The following CSMD2 variants were observed in gnomAD, a reference collection of about 807,000 sequenced individuals.
CSMD2 encodes the protein CUB and sushi domain-containing protein 2.
A neutral mutation model predicts 398.5 loss-of-function variants in CSMD2; 130 were observed. The ratio of observed to expected loss-of-function variants is 0.33; its 90% CI spans 0.28 to 0.38. CSMD2 has a LOEUF of 0.38. Ranked by LOEUF, CSMD2 falls within the 10% of genes least tolerant of loss-of-function variation. CSMD2 has a pLI of 1.00. For synonymous variants in CSMD2, 1,828 were observed against 1,908.5 expected (o/e 0.96, Z 1.10); for missense variants, 3,829 against 4,764.9 (o/e 0.80, Z 5.78).
intron 44 of CSMD2, chr1:33,599,046 T>G (rs986004633): frequency 6.6e-6 from 1 of 152,242 alleles, no homozygotes; most frequent in African/African-American, 2.4e-5. Flanking sequence ...CTGACCTAAT[T>G]GCCTCCCAAG....
chr1:34,032,993 T>C (rs1394073658), intron 2 of CSMD2, among the ~76,000 whole-genome samples: 1 of 152,228 alleles, frequency 6.6e-6, no homozygotes, highest in Non-Finnish European at 1.5e-5. Context: ...TCCTGTCTCC[T>C]CTCTTTCTGG....
At chr1:33,959,950 C>A (rs984677481) in intron 3 of CSMD2, among the ~76,000 whole-genome samples, 1 of 152,162 alleles carries the variant, frequency 6.6e-6, no homozygotes, top group Admixed American at 6.5e-5. Flanking sequence ...ATCCTAGCAG[C>A]GTGGGCATAG....
Position 33,624,412 on chromosome 1 carries a change from C to G in CSMD2, c.5625+107G>C, listed in dbSNP as rs1641966170. The G allele has an allele frequency of 7.0e-7, 1 of 1,435,622 alleles. No homozygotes were observed. The highest frequency in any genetic ancestry group is 1.8e-5 in the Admixed American group (1 of 54,072). The allele number at this position is 1,435,622 out of a possible 1,614,324, so 88.9% of individuals were successfully genotyped here. On this transcript the variant is annotated intron_variant, in intron 35 of 70. Transcript: ENST00000373381. This position sits in a 1 kb window ranked among gnomAD's most constrained non-coding sequence, Gnocchi z 4.7. ...GGCTGATATGTCTCTTCCTGGCTCA[C>G]CCTGACTCAGGCCTTGGCACCAGCC...
intron 6 of CSMD2, among the ~76,000 whole-genome samples, chr1:33,826,735 C>T (rs186591836): frequency 1.2e-4 from 19 of 152,284 alleles, no homozygotes; most frequent in Middle Eastern, 3.4e-3. Flanking sequence ...ACCCATCAGC[C>T]GCCTTTGGTC....
At chr1:34,028,343 A>T (rs1472717897) in intron 3 of CSMD2, among the ~76,000 whole-genome samples, 1 of 152,160 alleles carries the variant, frequency 6.6e-6, no homozygotes, top group East Asian at 1.9e-4. Flanking sequence ...AAATAAAATA[A>T]GTATATTTGG....
chr1:34,031,513 C>G (rs1650414576), intron 3 of CSMD2, among the ~76,000 whole-genome samples: 1 of 152,062 alleles, frequency 6.6e-6, no homozygotes. Flanking sequence ...TTCTCAGGAG[C>G]CTTCTCAGCA....
Position 33,542,778 on chromosome 1 carries a change from C to T in CSMD2, c.9219G>A (p.Leu3073=). Residue 3073 remains leucine (L), a synonymous_variant, in exon 58 of 71, where the codon CTG becomes CTA. Transcript: ENST00000373381. ...CATTGACCGAGCAGTGACGGCTGAG[C>T]AGGCCTGTGGCGTAGTATCCTTCCC... ...ECREGYYATG[L]LSRHCSVNGT... 6.2e-7 allele frequency: 1 copy of T among 1,614,118 alleles called. No homozygotes were observed. The highest frequency in any genetic ancestry group is 8.5e-7 in the Non-Finnish European group (1 of 1,180,016).
chr1:34,147,026 G>A (rs1192135349), intron 1 of CSMD2, among the ~76,000 whole-genome samples: 2 of 152,176 alleles, frequency 1.3e-5, no homozygotes, highest in African/African-American at 4.8e-5. Flanking sequence ...GGGAGGCCGA[G>A]GCGGGCGGAT....
chr1:33,932,538 G>A (rs1000973341), intron 4 of CSMD2, among the ~76,000 whole-genome samples: 1 of 152,128 alleles, frequency 6.6e-6, no homozygotes, highest in Non-Finnish European at 1.5e-5. Flanking sequence ...TGGTGTGAAT[G>A]CCAGAAGAGT....
intron 22 of CSMD2, among the ~76,000 whole-genome samples, chr1:33,707,725 A>ACC (rs1645851236): frequency 6.8e-6 from 1 of 146,978 alleles, no homozygotes; most frequent in South Asian, 2.2e-4. Context: ...ACACACACAC[A>ACC]CACACACACA....
chr1:33,612,526 G>T (rs932464793), intron 40 of CSMD2, among the ~76,000 whole-genome samples: 1 of 152,086 alleles, frequency 6.6e-6, no homozygotes, highest in Admixed American at 6.5e-5. Context: ...ACATAATATT[G>T]TGTTTTTCAA....
chr1:33,905,269 A>G (rs6425859), intron 5 of CSMD2, among the ~76,000 whole-genome samples: 80,785 of 151,644 alleles, frequency 0.53, 21,764 homozygotes, highest in East Asian at 0.64. Context: ...GAGTCCCAGG[A>G]CCCTCTGGGT....
At chr1:33,687,380 T>C (rs1179411882) in intron 25 of CSMD2, among the ~76,000 whole-genome samples, 3 of 151,878 alleles carry the variant, frequency 2.0e-5, no homozygotes, top group African/African-American at 7.3e-5. Flanking sequence ...TTCCTTGAAA[T>C]AAAAACAAAA....
Position 33,518,208 on chromosome 1 carries a change from A to T in CSMD2, c.*53+1257T>A, listed in dbSNP as rs1468466961. ...CCCAGAAAGCGGGATGTGTGGGAGA[A>T]GACAGTTCTCAGAGGGGTGCAGCTT... On this transcript the variant is annotated intron_variant, in intron 70 of 70. Transcript: ENST00000373381. This position sits in a 1 kb window ranked among gnomAD's most constrained non-coding sequence, Gnocchi z 4.3. Among the ~76,000 whole-genome samples, 1 of 152,232 alleles carries T rather than the reference A, an allele frequency of 6.6e-6. No individual in the cohort carries two copies. The highest frequency in any genetic ancestry group is 1.5e-5 in the Non-Finnish European group (1 of 68,036).
chr1:33,864,361 A>G, intron 5 of CSMD2: 1 of 1,614,136 alleles, frequency 6.2e-7, no homozygotes, highest in Non-Finnish European at 8.5e-7. Context: ...AAGCATGAAA[A>G]GGCCAAATAT....
chr1:33,820,588 A>AAAAAAAC lies in CSMD2; in HGVS notation c.1112-33_1112-32insGTTTTTT, dbSNP rs371046549. ...GGCAAAAAAAAAAAAAAAAAAAAAA[A>AAAAAAAC]CAGCACACACAGAGATGGACAGTCA... On this transcript the variant is annotated intron_variant, in intron 7 of 70. Coordinates refer to ENST00000373381, the MANE Select transcript of CSMD2 (RefSeq NM_001281956.2). 4.0e-5 allele frequency: 37 copies of AAAAAAAC among 918,346 alleles called. 1 individual carries two copies. The highest frequency in any genetic ancestry group is 1.7e-4 in the South Asian group (10 of 58,400). The allele number at this position is 918,346 out of a possible 1,614,324, so 56.9% of individuals were successfully genotyped here.
chr1:33,755,458 C>G (rs555939461), intron 13 of CSMD2, among the ~76,000 whole-genome samples: 45 of 152,290 alleles, frequency 3.0e-4, no homozygotes, highest in African/African-American at 1.0e-3. Flanking sequence ...ATTAAGTTAA[C>G]TTTAGGCTCC....
Position 33,633,274 on chromosome 1 carries a change from C to A in CSMD2, c.5200+148G>T. 3.1e-6 allele frequency: 2 copies of A among 647,384 alleles called. No homozygotes were observed. Among genetic ancestry groups the A allele is most frequent in the Non-Finnish European group, 2.7e-6 (1 of 363,722 alleles). The allele number at this position is 647,384 out of a possible 1,614,324, so 40.1% of individuals were successfully genotyped here. On this transcript the variant is annotated intron_variant, in intron 32 of 70. Coordinates refer to ENST00000373381, the MANE Select transcript of CSMD2 (RefSeq NM_001281956.2). This position sits in a 1 kb window ranked among gnomAD's most constrained non-coding sequence, Gnocchi z 5.0. ...TGGAGCTCTCACGAGCTGGCTGCTG[C>A]GTTGTAGACAAGCACCAGAACACGA... is the stretch of plus-strand genomic sequence containing the variant.
chr1:33,525,060 A>T lies in CSMD2; in HGVS notation c.10235-17T>A. 6.2e-7 allele frequency: 1 copy of T among 1,613,796 alleles called. No individual in the cohort carries two copies. Among genetic ancestry groups the T allele is most frequent in the Admixed American group, 1.7e-5 (1 of 60,012 alleles). ...CCCCAGGAACTAGAGGAATTGAGAAATAGATGTGAGAGGGACTTTGTGTGT... is the reference window on the plus strand; with the variant it reads ...CCCCAGGAACTAGAGGAATTGAGAATTAGATGTGAGAGGGACTTTGTGTGT... On this transcript the variant is annotated splice_polypyrimidine_tract_variant and intron_variant, in intron 65 of 70. Transcript: ENST00000373381.
Sources: allele counts gnomAD v4.1 joint callset (sites outside exome capture counted in the v4.1 genomes callset), GRCh38; gene constraint gnomAD v4.1.1; non-coding constraint Gnocchi (gnomAD v3.1); transcripts MANE v1.5; gene names NCBI Gene and HGNC (gene_info 2026-07-23, HGNC 2026-07-21).